Variants in BANP observed in about 807,000 individuals in gnomAD.
The protein encoded by BANP is BTG3 associated nuclear protein.
A neutral mutation model predicts 68.1 loss-of-function variants in BANP; 11 were observed. The observed-to-expected ratio is 0.16, with a 90% CI of 0.10 to 0.27. BANP has a LOEUF of 0.27. BANP is among the 10% of genes least tolerant of loss of function. The pLI is 1.00. For synonymous variants in BANP, 329 were observed against 303.2 expected, an observed-to-expected ratio of 1.09 and a Z score of -0.88; for missense variants, 504 against 722.7, an observed-to-expected ratio of 0.70 and a Z score of 3.47.
rs371858006 is a variant in BANP at position 88,076,625 on chromosome 16, G to C, written c.1557G>C (p.Glu519Asp). Residue 519 changes from glutamate to aspartate, a missense_variant, in exon 14 of 14, where the codon GAG (glutamate) becomes GAC (aspartate). Physicochemically the swap from Glu to Asp is conservative, Grantham distance 45. Coordinates refer to ENST00000682872, the MANE Select transcript of BANP (RefSeq NM_001386991.1). ...CCCTGCAGCCCACGCTACAGCCGGA[G>C]ATGCAGCTCGAGCACGGGGCCATCC... Reference protein sequence around the residue: ...AEALQPTLQPEMQLEHGAIQI... With the variant: ...AEALQPTLQPDMQLEHGAIQI... The C allele has an allele frequency of 7.4e-6, 12 of 1,611,382 alleles. No homozygotes were observed.
chr16:87,968,110 C>A (rs886210945), intron 1 of BANP, among the ~76,000 whole-genome samples: 1 of 151,608 alleles, frequency 6.6e-6, no homozygotes, highest in Non-Finnish European at 1.5e-5. Flanking sequence ...TGAAAGCAAT[C>A]TGTGACCCCA....
chr16:87,956,857 C>T (rs762379360), intron 1 of BANP: 1 of 152,276 alleles, frequency 6.6e-6, no homozygotes, highest in African/African-American at 2.4e-5. Context: ...CACCCTCCAT[C>T]CTGACCCCCG....
chr16:88,040,228 C>T (rs1003453860), intron 11 of BANP, among the ~76,000 whole-genome samples: 3 of 151,832 alleles, frequency 2.0e-5, no homozygotes, highest in Admixed American at 6.6e-5. Flanking sequence ...GTGTAGCGAA[C>T]CCCCTCGTTT....
intron 2 of BANP, among the ~76,000 whole-genome samples, chr16:87,977,653 G>A (rs1475097459): frequency 2.6e-5 from 4 of 152,206 alleles, no homozygotes; most frequent in Non-Finnish European, 5.9e-5. Flanking sequence ...TAATTCTACT[G>A]GTTGTAGCAG....
intron 8 of BANP, among the ~76,000 whole-genome samples, chr16:88,028,626 A>G (rs2152722291): frequency 6.6e-6 from 1 of 152,324 alleles, no homozygotes; most frequent in South Asian, 2.1e-4. Context: ...TTTCTACTAC[A>G]ATGAGGAATT....
chr16:88,056,085 G>T (rs1490713042), intron 11 of BANP, among the ~76,000 whole-genome samples: 1 of 152,200 alleles, frequency 6.6e-6, no homozygotes, highest in Non-Finnish European at 1.5e-5. Context: ...CCTGTCTGGG[G>T]AGGTGGGGCC....
chr16:87,987,712 C>CAAAAAAAAAAAAAAAAAAAAAA lies in BANP; in HGVS notation c.362+3459_362+3480dup, dbSNP rs66648819. On this transcript the variant is annotated intron_variant, in intron 4 of 13. Transcript: ENST00000682872. ...CTCCAGGCTGAGCGAGACCCTAACT[C>CAAAAAAAAAAAAAAAAAAAAAA]AAAAAAAAAAAAAAAAAAAAAAAAA... Among the ~76,000 whole-genome samples the CAAAAAAAAAAAAAAAAAAAAAA allele has an allele frequency of 4.6e-4, 14 of 30,372 alleles. 2 individuals carry two copies. Among genetic ancestry groups the CAAAAAAAAAAAAAAAAAAAAAA allele is most frequent in the Non-Finnish European group, 6.4e-4 (11 of 17,218 alleles). The allele number at this position is 30,372 out of a possible 152,430, so 19.9% of individuals were successfully genotyped here. A position where few individuals can be genotyped will look rare whatever the true frequency, so the allele number is the denominator to read the frequency against.
At chr16:87,965,838 TAATA>T (rs1328041206) in intron 1 of BANP, among the ~76,000 whole-genome samples, 2 of 152,124 alleles carry the variant, frequency 1.3e-5, no homozygotes, top group Non-Finnish European at 1.5e-5. Flanking sequence ...GTTTCACAGG[TAATA>T]AATAAGTAAG....
chr16:87,966,552 G>C (rs1437433067), intron 1 of BANP, among the ~76,000 whole-genome samples: 1 of 152,200 alleles, frequency 6.6e-6, no homozygotes, highest in Non-Finnish European at 1.5e-5. Flanking sequence ...GGCAACAGAG[G>C]CATTTTGAGT....
chr16:87,976,836 A>G (rs1422115156), intron 2 of BANP, among the ~76,000 whole-genome samples: 1 of 152,224 alleles, frequency 6.6e-6, no homozygotes. Context: ...TTTCCACACC[A>G]TCATTGCATA....
chr16:88,048,429 G>A (rs544018063), intron 11 of BANP, among the ~76,000 whole-genome samples: 1 of 152,010 alleles, frequency 6.6e-6, no homozygotes, highest in South Asian at 2.1e-4. Flanking sequence ...CAGTGTTCTC[G>A]GTATTGAATC....
intron 11 of BANP, among the ~76,000 whole-genome samples, chr16:88,054,757 G>A (rs1298833321): frequency 6.6e-6 from 1 of 152,212 alleles, no homozygotes; most frequent in African/African-American, 2.4e-5. Context: ...GGGTCAGTGG[G>A]CATGGCTTCT....
chr16:88,022,232 C>T (rs2076163674), intron 7 of BANP, among the ~76,000 whole-genome samples: 3 of 152,188 alleles, frequency 2.0e-5, no homozygotes, highest in South Asian at 2.1e-4. Flanking sequence ...TTTCTATCCA[C>T]GGCTCGCTCA....
At chr16:87,997,436 C>G (rs1322733058) in intron 4 of BANP, among the ~76,000 whole-genome samples, 1 of 152,258 alleles carries the variant, frequency 6.6e-6, no homozygotes, top group Non-Finnish European at 1.5e-5. Context: ...ATGGTGAGAC[C>G]TGGGACAGAT....
chr16:88,011,917 C>A (rs546250124), intron 6 of BANP, among the ~76,000 whole-genome samples: 1 of 152,114 alleles, frequency 6.6e-6, no homozygotes, highest in African/African-American at 2.4e-5. Context: ...TTGAAGCATC[C>A]GTTATGTGAT....
intron 11 of BANP, among the ~76,000 whole-genome samples, chr16:88,043,467 C>T (rs1180145271): frequency 6.6e-6 from 1 of 152,214 alleles, no homozygotes; most frequent in Non-Finnish European, 1.5e-5. Flanking sequence ...TCCTTTACTG[C>T]ACAATCCCTG....
chr16:88,022,758 C>A (rs1348949028), intron 7 of BANP, among the ~76,000 whole-genome samples: 2 of 152,202 alleles, frequency 1.3e-5, no homozygotes, highest in African/African-American at 4.8e-5. Context: ...CTCCCAGCTT[C>A]TGGTGGTGGC....
intron 13 of BANP, among the ~76,000 whole-genome samples, chr16:88,072,437 A>G (rs1489986716): frequency 6.6e-6 from 1 of 152,220 alleles, no homozygotes; most frequent in Non-Finnish European, 1.5e-5. Flanking sequence ...GATTCTTGAG[A>G]CTGTCTTGTG....
intron 6 of BANP, among the ~76,000 whole-genome samples, chr16:88,010,591 C>G (rs1391565210): frequency 1.3e-5 from 2 of 152,218 alleles, no homozygotes; most frequent in African/African-American, 4.8e-5. Flanking sequence ...CGGCCATGCA[C>G]ATGGAAATAA....
Sources: gnomAD v4.1 joint callset for allele counts (sites outside exome capture counted in the v4.1 genomes callset) on GRCh38, gnomAD v4.1.1 for gene constraint, MANE v1.5 for transcripts, NCBI Gene and HGNC (gene_info 2026-07-23, HGNC 2026-07-21) for gene names.